LRP1B: variants seen among roughly 807,000 people sequenced by gnomAD.
LRP1B encodes low-density lipoprotein receptor-related protein 1B.
A neutral mutation model predicts 556.6 loss-of-function variants in LRP1B; 217 were observed. The observed-to-expected ratio is 0.39, with a 90% CI of 0.35 to 0.44. LRP1B has a LOEUF of 0.44. Ranked by LOEUF, LRP1B falls within the 20% of genes least tolerant of loss-of-function variation. LRP1B has a pLI of 1.00. For synonymous variants in LRP1B, 2,047 were observed against 1,865.8 expected, an observed-to-expected ratio of 1.10 and a Z score of -2.50; for missense variants, 5,053 against 5,620.8, an observed-to-expected ratio of 0.90 and a Z score of 3.23.
chr2:140,532,085 C>T (rs1369999812), intron 47 of LRP1B, among the ~76,000 whole-genome samples: 1 of 152,104 alleles, frequency 6.6e-6, no homozygotes, highest in South Asian at 2.1e-4. Context: ...CTCTACCTAT[C>T]TACATGCCTG....
At chr2:140,938,810 C>T (rs985518876) in intron 20 of LRP1B, among the ~76,000 whole-genome samples, 5 of 94,722 alleles carry the variant, frequency 5.3e-5, no homozygotes, top group Non-Finnish European at 1.1e-4. Context: ...TGTCTTCTCA[C>T]GGGCATTTAT....
At chr2:141,921,591 T>A (rs952533082) in intron 1 of LRP1B, among the ~76,000 whole-genome samples, 11 of 152,034 alleles carry the variant, frequency 7.2e-5, no homozygotes, top group African/African-American at 2.7e-4. Flanking sequence ...ATTCTAGCAA[T>A]GAATTATTTT....
chr2:142,115,574 ATATATGTAATATATATAT>A (rs1559079766), intron 1 of LRP1B, among the ~76,000 whole-genome samples: 72 of 24,246 alleles, frequency 3.0e-3, no homozygotes, highest in African/African-American at 6.9e-3. Flanking sequence ...AATATATATT[ATATATGTAATATATATAT>A]TATATATGTA....
At chr2:142,075,083 A>G (rs1705450163) in intron 1 of LRP1B, among the ~76,000 whole-genome samples, 1 of 152,134 alleles carries the variant, frequency 6.6e-6, no homozygotes, top group South Asian at 2.1e-4. Flanking sequence ...AACAGCCAGC[A>G]CATTACCTTG....
intron 2 of LRP1B, among the ~76,000 whole-genome samples, chr2:141,809,218 C>T (rs1037962148): frequency 2.0e-5 from 3 of 151,958 alleles, no homozygotes; most frequent in East Asian, 1.9e-4. Flanking sequence ...TTTTGAGAAA[C>T]CTTAAAAGGA....
chr2:140,698,696 T>A (rs1686522717), intron 41 of LRP1B, among the ~76,000 whole-genome samples: 1 of 152,058 alleles, frequency 6.6e-6, no homozygotes, highest in African/African-American at 2.4e-5. Flanking sequence ...TCTTTCATAT[T>A]ACACCAACAC....
At chr2:140,613,370 A>AATATATATATAATTATATATATATAAAT (rs796568812) in intron 41 of LRP1B, among the ~76,000 whole-genome samples, 1 of 84,732 alleles carries the variant, frequency 1.2e-5, no homozygotes, top group Admixed American at 1.5e-4. Flanking sequence ...TATAAATATA[A>AATATATATATAATTATATATATATAAAT]ATATATATAA....
chr2:141,471,282 T>TTTTTTTTTTTTTTG (rs1682461266), intron 3 of LRP1B, among the ~76,000 whole-genome samples: 1 of 113,844 alleles, frequency 8.8e-6, no homozygotes, highest in African/African-American at 2.8e-5. Flanking sequence ...TTTTTTTTTT[T>TTTTTTTTTTTTTTG]TTTTTTTTTT....
chr2:140,420,223 C>A (rs545111325), intron 66 of LRP1B, among the ~76,000 whole-genome samples: 36 of 150,226 alleles, frequency 2.4e-4, no homozygotes, highest in African/African-American at 8.1e-4. Context: ...ACAATCAGTT[C>A]AATAAAAAAA....
chr2:140,448,339 A>G (rs138378570), intron 63 of LRP1B, among the ~76,000 whole-genome samples: 2 of 152,262 alleles, frequency 1.3e-5, no homozygotes, highest in Non-Finnish European at 2.9e-5. Flanking sequence ...ACAGTAACCA[A>G]TATATGAAAT....
intron 1 of LRP1B, among the ~76,000 whole-genome samples, chr2:142,115,693 G>GTAATATATATATAATATA (rs1707220372): frequency 7.6e-5 from 1 of 13,144 alleles, no homozygotes; most frequent in African/African-American, 2.6e-4. Context: ...TAATATATAT[G>GTAATATATATATAATATA]TAATATATAT....
At chr2:140,857,886 G>A (rs1692665958) in intron 27 of LRP1B, among the ~76,000 whole-genome samples, 1 of 152,006 alleles carries the variant, frequency 6.6e-6, no homozygotes, top group African/African-American at 2.4e-5. Flanking sequence ...GAGATGACAT[G>A]TCTATCTGGT....
chr2:141,567,380 T>C (rs1247469963), intron 2 of LRP1B, among the ~76,000 whole-genome samples: 1 of 152,170 alleles, frequency 6.6e-6, no homozygotes, highest in Non-Finnish European at 1.5e-5. Flanking sequence ...GATTTTGTTA[T>C]TTGTTTCAAA....
chr2:141,178,192 C>G (rs1680823371), intron 7 of LRP1B, among the ~76,000 whole-genome samples: 1 of 152,068 alleles, frequency 6.6e-6, no homozygotes, highest in Non-Finnish European at 1.5e-5. Flanking sequence ...TTCCCCATTG[C>G]CAACTTCAGG....
At chr2:140,586,192 G>T (rs1215612332) in intron 43 of LRP1B, among the ~76,000 whole-genome samples, 1 of 152,086 alleles carries the variant, frequency 6.6e-6, no homozygotes, top group Non-Finnish European at 1.5e-5. Flanking sequence ...GACTATAAAA[G>T]TAGAGAGAAA....
intron 21 of LRP1B, among the ~76,000 whole-genome samples, chr2:140,912,932 T>A (rs1022317243): frequency 6.6e-6 from 1 of 151,774 alleles, no homozygotes; most frequent in African/African-American, 2.4e-5. Context: ...TACCTTTTTG[T>A]AAACGGACTT....
rs61540618 is a variant in LRP1B, at chr2:140,553,422, AACAC to A, written c.7195-11455_7195-11452del. Among the ~76,000 whole-genome samples the A allele has an allele frequency of 2.4e-4, 35 of 148,298 alleles. No individual in the cohort carries two copies. The South Asian group carries it at 3.2e-3, about 14-fold the overall frequency. On this transcript the variant is annotated intron_variant, in intron 43 of 90. Transcript: ENST00000389484. Reference sequence around the variant, plus strand: ...CCTTTATTGTGTCTATTGTGCTCTTAACACACACACACACACACACACACACATG... The same window carrying A: ...CCTTTATTGTGTCTATTGTGCTCTTAACACACACACACACACACACACATG...
intron 6 of LRP1B, among the ~76,000 whole-genome samples, chr2:141,205,746 CT>C (rs1171787200): frequency 6.6e-6 from 1 of 151,958 alleles, no homozygotes; most frequent in Non-Finnish European, 1.5e-5. Flanking sequence ...TTTCAAATGT[CT>C]TTGAAAAAAA....
intron 41 of LRP1B, among the ~76,000 whole-genome samples, chr2:140,677,452 C>A (rs79925199): frequency 6.6e-6 from 1 of 151,764 alleles, no homozygotes; most frequent in African/African-American, 2.4e-5. Context: ...GCTTACTGAA[C>A]AGAGAGAGAG....
Sources: gnomAD v4.1 joint callset for allele counts (sites outside exome capture counted in the v4.1 genomes callset) on GRCh38, gnomAD v4.1.1 for gene constraint, MANE v1.5 for transcripts, NCBI Gene and HGNC (gene_info 2026-07-23, HGNC 2026-07-21) for gene names.